HEPHL1: variants seen among roughly 807,000 people sequenced by gnomAD.
The protein encoded by HEPHL1 is hephaestin like 1.
In HEPHL1, 123 loss-of-function variants were observed where a neutral mutation model predicts 122.0. That is an observed-to-expected ratio of 1.01 (90% confidence interval 0.87 to 1.17). The LOEUF is 1.17. Ranked by LOEUF, HEPHL1 falls within the 50% of genes most tolerant of loss-of-function variation. The probability of loss-of-function intolerance (pLI) is 0.00; values close to 1 mark genes in which losing one functional copy is unlikely to be tolerated. For missense variants in HEPHL1, 1,452 were observed against 1,430.5 expected, an observed-to-expected ratio of 1.01 and a Z score of -0.24; for synonymous variants, 527 against 508.9, an observed-to-expected ratio of 1.04 and a Z score of -0.48.
At chr11:94,074,041 T>G (rs1308604749) in intron 8 of HEPHL1, among the ~76,000 whole-genome samples, 1 of 152,138 alleles carries the variant, frequency 6.6e-6, no homozygotes, top group Non-Finnish European at 1.5e-5. Flanking sequence ...GATACTGCTC[T>G]TGGGAAACTT....
rs1046994105 is a variant in HEPHL1 at position 94,064,403 on chromosome 11, A to G, written c.701A>G (p.Asp234Gly). 6.2e-7 allele frequency: 1 copy of G among 1,612,906 alleles called. No homozygotes were observed. Among genetic ancestry groups the G allele is most frequent in the Non-Finnish European group, 8.5e-7 (1 of 1,179,002 alleles). ...TTTGTTATAATGTTTACTCTTGTGGATGAGAATCAAAGCTGGTACCTCAAT... is the reference window on the plus strand; with the variant it reads ...TTTGTTATAATGTTTACTCTTGTGGGTGAGAATCAAAGCTGGTACCTCAAT... ...REFVIMFTLV[D>G]ENQSWYLNEN... The change falls in exon 4 of 20, where the codon GAT (aspartate) becomes GGT (glycine). Residue 234 changes from aspartate (D) to glycine (G), a missense_variant. By Grantham distance (94) the Asp-to-Gly change is moderately conservative (BLOSUM62 -1). Transcript: ENST00000315765.
intron 10 of HEPHL1, among the ~76,000 whole-genome samples, chr11:94,085,106 A>G (rs561081311): frequency 2.6e-5 from 4 of 152,314 alleles, no homozygotes; most frequent in Non-Finnish European, 4.4e-5. Flanking sequence ...TATTTCTCCA[A>G]GAAACATCAA....
intron 1 of HEPHL1, among the ~76,000 whole-genome samples, chr11:94,040,197 C>G (rs1328628828): frequency 1.4e-5 from 1 of 69,304 alleles, no homozygotes; most frequent in Non-Finnish European, 2.8e-5. Context: ...CTGAATAGAC[C>G]AATAACAGGA....
In HEPHL1 at chr11:94,021,466, T is replaced by C. The variant is rs1945580936; in HGVS notation, c.98T>C (p.Ile33Thr). Reference protein sequence around the residue: ...GTVTRTYYIGIVEEYWNYVPQ... With the variant: ...GTVTRTYYIGTVEEYWNYVPQ... Reference sequence around the variant, plus strand: ...GTTACCAGAACGTACTACATTGGGATTGTGGAAGAATACTGGAACTATGTA... The same window carrying C: ...GTTACCAGAACGTACTACATTGGGACTGTGGAAGAATACTGGAACTATGTA... The change falls in exon 1 of 20, where the codon ATT becomes ACT. Residue 33 changes from isoleucine to threonine, a missense_variant. Ile to Thr is a moderately conservative substitution (Grantham distance 89). Coordinates refer to ENST00000315765, the MANE Select transcript of HEPHL1 (RefSeq NM_001098672.2). The C allele has an allele frequency of 1.2e-6, 2 of 1,613,312 alleles. No homozygotes were observed. The highest frequency in any genetic ancestry group is 3.3e-5 in the Admixed American group (2 of 60,000).
intron 1 of HEPHL1, among the ~76,000 whole-genome samples, chr11:94,022,553 C>T (rs75192527): frequency 0.017 from 2,660 of 152,316 alleles, 75 homozygotes; most frequent in African/African-American, 0.062. Flanking sequence ...CTTGGAAATA[C>T]AGCTTCCAAG....
At chr11:94,109,748 T>C (rs764222714) in intron 17 of HEPHL1, among the ~76,000 whole-genome samples, 1 of 152,204 alleles carries the variant, frequency 6.6e-6, no homozygotes, top group African/African-American at 2.4e-5. Flanking sequence ...TATTTTGTTA[T>C]GGATGATGGT....
intron 4 of HEPHL1, among the ~76,000 whole-genome samples, chr11:94,066,069 A>G (rs1439039114): frequency 6.6e-6 from 1 of 152,190 alleles, no homozygotes; most frequent in Non-Finnish European, 1.5e-5. Flanking sequence ...ATAGTGGCAC[A>G]TGCCTGTGGT....
At chr11:94,028,705 G>A (rs552442154) in intron 1 of HEPHL1, among the ~76,000 whole-genome samples, 15 of 152,208 alleles carry the variant, frequency 9.9e-5, no homozygotes, top group East Asian at 3.9e-4. Flanking sequence ...TCAGCCCCTC[G>A]CCATGGCTAC....
chr11:94,030,736 G>A (rs571738419), intron 1 of HEPHL1, among the ~76,000 whole-genome samples: 2 of 152,334 alleles, frequency 1.3e-5, no homozygotes, highest in South Asian at 4.1e-4. Context: ...AGGTCCAGGG[G>A]TCAGGCATCC....
At chr11:94,057,017 T>C (rs1270016548) in intron 2 of HEPHL1, among the ~76,000 whole-genome samples, 1 of 152,130 alleles carries the variant, frequency 6.6e-6, no homozygotes, top group Non-Finnish European at 1.5e-5. Flanking sequence ...AGGGATCGTT[T>C]TGCTGGATAT....
chr11:94,061,267 G>C (rs1945983652), intron 2 of HEPHL1, among the ~76,000 whole-genome samples: 1 of 152,146 alleles, frequency 6.6e-6, no homozygotes, highest in African/African-American at 2.4e-5. Context: ...AAGTGCAGAG[G>C]TAAGGTCCTG....
chr11:94,036,552 G>A (rs1029216422), intron 1 of HEPHL1, among the ~76,000 whole-genome samples: 5 of 152,140 alleles, frequency 3.3e-5, no homozygotes, highest in African/African-American at 1.2e-4. Context: ...GATCCAACTG[G>A]TCTACCCATC....
intron 12 of HEPHL1, among the ~76,000 whole-genome samples, chr11:94,092,813 C>T (rs1456166581): frequency 6.6e-6 from 1 of 152,068 alleles, no homozygotes; most frequent in Non-Finnish European, 1.5e-5. Flanking sequence ...ATATATTGAT[C>T]TGTTGATGAA....
intron 6 of HEPHL1, 55 bp downstream of exon 6, chr11:94,070,597 G>T (rs1257265926): frequency 1.9e-5 from 27 of 1,430,512 alleles, no homozygotes; most frequent in Non-Finnish European, 2.5e-5. Context: ...CATGTGTTAG[G>T]CTTTCTCTGT....
At position 94,082,410 on chromosome 11, in the gene HEPHL1, C is replaced by T. The variant is rs1946178503; in HGVS notation, c.1717-8C>T. The T allele has an allele frequency of 6.3e-7, 1 of 1,592,610 alleles. No individual in the cohort carries two copies. The highest frequency in any genetic ancestry group is 1.4e-5 in the African/African-American group (1 of 73,964). On this transcript the variant is annotated splice_polypyrimidine_tract_variant and splice_region_variant and intron_variant, in intron 9 of 19. Coordinates refer to ENST00000315765, the MANE Select transcript of HEPHL1 (RefSeq NM_001098672.2). ...CCTTTTATGTATTCATTTCTTTCTT[C>T]TCTGTAGAAAGGAATAGACAAGGAG...
At position 94,064,463 on chromosome 11, in the gene HEPHL1, C is replaced by G. The variant is rs747667786; in HGVS notation, c.761C>G (p.Ser254Ter). ...AAACATTTCTGCACCAACCCTGATTCAGTTGACAAGAAAGATGCTGTTTTC... is the reference window on the plus strand; with the variant it reads ...AAACATTTCTGCACCAACCCTGATTGAGTTGACAAGAAAGATGCTGTTTTC... ...NIKHFCTNPDSVDKKDAVFQR... is the reference protein window; with the variant it reads ...NIKHFCTNPD The change falls in exon 4 of 20, where the codon TCA becomes TGA. Residue 254 changes from serine (S) to a stop codon, truncating the protein, a stop_gained. Transcript: ENST00000315765. LOFTEE classifies it high-confidence loss of function. 10 of 1,613,126 alleles carry G rather than the reference C, an allele frequency of 6.2e-6. No individual in the cohort carries two copies. Among genetic ancestry groups the G allele is most frequent in the Non-Finnish European group, 8.5e-6 (10 of 1,179,330 alleles).
At chr11:94,100,715 T>C (rs1037409519) in intron 13 of HEPHL1, among the ~76,000 whole-genome samples, 4 of 152,204 alleles carry the variant, frequency 2.6e-5, no homozygotes, top group African/African-American at 9.7e-5. Context: ...TTCAGACTTA[T>C]CAAAGGTTAT....
intron 2 of HEPHL1, among the ~76,000 whole-genome samples, chr11:94,053,081 A>G (rs1945905416): frequency 6.6e-6 from 1 of 152,060 alleles, no homozygotes; most frequent in Admixed American, 6.6e-5. Flanking sequence ...GAATTTTTAT[A>G]TAAAACCACT....
intron 1 of HEPHL1, among the ~76,000 whole-genome samples, chr11:94,036,974 G>A (rs1325235843): frequency 6.6e-6 from 1 of 152,196 alleles, no homozygotes; most frequent in Non-Finnish European, 1.5e-5. Flanking sequence ...CATCTCACTA[G>A]GGAGTGCCAG....
Sources: allele counts gnomAD v4.1 joint callset (sites outside exome capture counted in the v4.1 genomes callset), GRCh38; gene constraint gnomAD v4.1.1; transcripts MANE v1.5; gene names NCBI Gene and HGNC (gene_info 2026-07-23, HGNC 2026-07-21).